MAN2A1: variants seen among roughly 807,000 people sequenced by gnomAD.
The protein encoded by MAN2A1 is alpha-mannosidase 2.
Under a neutral mutation model 142.6 loss-of-function variants are expected in MAN2A1, and 76 were observed. That is an observed-to-expected ratio of 0.53 (90% CI 0.44 to 0.65). The LOEUF (loss-of-function observed/expected upper bound fraction) is 0.65, where lower values mean the gene tolerates loss of function less well. Among genes scored for constraint, MAN2A1 ranks in the 30% least tolerant of loss-of-function variants. MAN2A1 has a pLI of 0.00. For missense variants in MAN2A1, 1,311 were observed against 1,365.1 expected (o/e 0.96, Z 0.62); for synonymous variants, 559 against 473.2 (o/e 1.18, Z -2.35).
intron 13 of MAN2A1, 129 bp downstream of exon 13, chr5:109,817,567 AC>A: frequency 1.2e-6 from 1 of 829,718 alleles, no homozygotes; most frequent in Non-Finnish European, 1.9e-6. Flanking sequence ...AGTTGTAAAT[AC>A]CAGAGAGTTT....
intron 4 of MAN2A1, among the ~76,000 whole-genome samples, chr5:109,739,647 G>A (rs1752209374): frequency 6.6e-6 from 1 of 152,176 alleles, no homozygotes; most frequent in Non-Finnish European, 1.5e-5. Context: ...AGCAACAGCT[G>A]TATCCACACC....
At chr5:109,775,065 G>A in intron 8 of MAN2A1, 100 bp downstream of exon 8, 1 of 734,630 alleles carries the variant, frequency 1.4e-6, no homozygotes, top group South Asian at 2.0e-5. Flanking sequence ...CTACATCACA[G>A]TGCTTCTTAG....
intron 3 of MAN2A1, among the ~76,000 whole-genome samples, chr5:109,724,387 G>A (rs769955898): frequency 3.9e-5 from 6 of 151,974 alleles, no homozygotes; most frequent in Non-Finnish European, 8.8e-5. Context: ...CAATATACCC[G>A]TGGAACAAAC....
At chr5:109,781,142 A>G (rs1218363777) in intron 8 of MAN2A1, among the ~76,000 whole-genome samples, 1 of 152,152 alleles carries the variant, frequency 6.6e-6, no homozygotes, top group Non-Finnish European at 1.5e-5. Context: ...ACTGATTTGT[A>G]GATCTAAATA....
chr5:109,740,948 A>T (rs189942601), intron 4 of MAN2A1, among the ~76,000 whole-genome samples: 236 of 152,204 alleles, frequency 1.6e-3, no homozygotes, highest in Non-Finnish European at 1.7e-3. Context: ...GTTGAACCAT[A>T]TAAAATTGCC....
chr5:109,857,045 G>A (rs1275370276), intron 20 of MAN2A1, among the ~76,000 whole-genome samples: 2 of 152,104 alleles, frequency 1.3e-5, no homozygotes, highest in African/African-American at 2.4e-5. Context: ...GTGTAGAGAG[G>A]GCCTCACAGA....
intron 16 of MAN2A1, among the ~76,000 whole-genome samples, chr5:109,839,875 G>A (rs957125162): frequency 1.4e-4 from 21 of 151,286 alleles, no homozygotes; most frequent in Non-Finnish European, 2.7e-4. Flanking sequence ...TTTTATTTTA[G>A]AATTTCCATT....
rs554387278 is a variant in MAN2A1, at chr5:109,734,382, C to A, written c.707+4869C>A. On this transcript the variant is annotated intron_variant, in intron 4 of 21. Coordinates refer to ENST00000261483, the MANE Select transcript of MAN2A1 (RefSeq NM_002372.4). ...TGTCTCTATCTCCTTCAGTTCTGCT[C>A]TGATGTTAGTTATTTCTTGCCTTCT... Among the ~76,000 whole-genome samples the A allele has an allele frequency of 9.4e-5, 14 of 149,428 alleles. No individual in the cohort carries two copies. The East Asian group carries it at 2.7e-3, about 29-fold the overall frequency.
At chr5:109,752,795 A>T (rs1231757967) in intron 4 of MAN2A1, among the ~76,000 whole-genome samples, 1 of 152,186 alleles carries the variant, frequency 6.6e-6, no homozygotes, top group Non-Finnish European at 1.5e-5. Context: ...TTTAACCTTT[A>T]AGTACAGATA....
intron 8 of MAN2A1, among the ~76,000 whole-genome samples, chr5:109,780,277 T>C (rs2112664771): frequency 6.6e-6 from 1 of 152,198 alleles, no homozygotes; most frequent in East Asian, 1.9e-4. Context: ...GCCAGGATGG[T>C]CTCCATCTCC....
chr5:109,802,795 G>T (rs983503624), intron 12 of MAN2A1, among the ~76,000 whole-genome samples: 1 of 151,674 alleles, frequency 6.6e-6, no homozygotes, highest in African/African-American at 2.4e-5. Context: ...ACTGAGTGTT[G>T]TAGCTTCCTA....
chr5:109,842,369 A>G lies in MAN2A1; in HGVS notation c.2608A>G (p.Ile870Val). The change falls in exon 17 of 22, where the codon ATC (isoleucine) becomes GTC (valine). Residue 870 changes from isoleucine (I) to valine (V), a missense_variant. Around this residue, in one of 3 missense-constraint regions of MAN2A1, gnomAD observed 890 missense variants for 920.5 expected, o/e 0.97. Coordinates refer to ENST00000261483, the MANE Select transcript of MAN2A1 (RefSeq NM_002372.4). Reference sequence around the variant, plus strand: ...TGTGGAAGTTTCCAATATTGTGGACATCCGAAAAGTATATAACCGTGAGAT... The same window carrying G: ...TGTGGAAGTTTCCAATATTGTGGACGTCCGAAAAGTATATAACCGTGAGAT... The part of the protein sequence containing the change: ...QSVEVSNIVD[I>V]RKVYNREIAM... The G allele has an allele frequency of 1.3e-6, 2 of 1,592,610 alleles. No homozygotes were observed. Among genetic ancestry groups the G allele is most frequent in the Non-Finnish European group, 8.6e-7 (1 of 1,164,230 alleles).
chr5:109,842,328 G>T lies in MAN2A1; in HGVS notation c.2567G>T (p.Gly856Val). The T allele has an allele frequency of 6.5e-7, 1 of 1,528,332 alleles. No homozygotes were observed. Among genetic ancestry groups the T allele is most frequent in the South Asian group, 1.2e-5 (1 of 81,338 alleles). The allele number at this position is 1,528,332 out of a possible 1,614,324, so 94.7% of individuals were successfully genotyped here. The change falls in exon 17 of 22, where the codon GGA (glycine) becomes GTA (valine). Residue 856 changes from glycine (G) to valine (V), a missense_variant and splice_region_variant. Gly to Val is a moderately radical substitution (Grantham distance 109, BLOSUM62 -3). Transcript: ENST00000261483. ...THRVRLYHIQ[G>V]IEGQSVEVSN... ...TCCATATATATTTTTTTAAATTTAG[G>T]AATAGAAGGACAGTCTGTGGAAGTT...
intron 5 of MAN2A1, among the ~76,000 whole-genome samples, chr5:109,765,715 T>G (rs1397750681): frequency 1.3e-5 from 2 of 151,916 alleles, no homozygotes; most frequent in Non-Finnish European, 2.9e-5. Context: ...TATTTTCTGT[T>G]TATTTATTTA....
chr5:109,715,916 G>C (rs992907938), intron 2 of MAN2A1, among the ~76,000 whole-genome samples: 1 of 151,798 alleles, frequency 6.6e-6, no homozygotes, highest in Non-Finnish European at 1.5e-5. Context: ...TATTTGTCAG[G>C]GTAGTTTTGT....
intron 10 of MAN2A1, 63 bp from the exon 11 acceptor site, chr5:109,788,871 C>A: frequency 2.6e-6 from 2 of 767,528 alleles, no homozygotes; most frequent in Non-Finnish European, 2.3e-6. Context: ...AGTAATGAAA[C>A]TGAAAATATT....
chr5:109,819,825 G>A lies in MAN2A1; in HGVS notation c.2266G>A (p.Glu756Lys). The change falls in exon 14 of 22, where the codon GAA (glutamate) becomes AAA (lysine). Residue 756 changes from glutamate to lysine, a missense_variant. Transcript: ENST00000261483. ...CATAAAGAATATGATAAATACTGAA[G>A]AAGGTATAACACTAGAGAACTCCTT... Reference protein sequence around the residue: ...FTIKNMINTEEGITLENSFVL... With the variant: ...FTIKNMINTEKGITLENSFVL... 6.2e-7 allele frequency: 1 copy of A among 1,611,696 alleles called. No individual in the cohort carries two copies. The highest frequency in any genetic ancestry group is 8.5e-7 in the Non-Finnish European group (1 of 1,178,624).
chr5:109,789,532 A>T lies in MAN2A1; in HGVS notation c.1943+5A>T. On this transcript the variant is annotated splice_donor_5th_base_variant and intron_variant, in intron 12 of 21. Transcript: ENST00000261483. ...AAGGCTGAGTGCGGAGCCAAGGTAAATTCATAATTTCTTACAAATGTTTAC... is the reference window on the plus strand; with the variant it reads ...AAGGCTGAGTGCGGAGCCAAGGTAATTTCATAATTTCTTACAAATGTTTAC... 6.4e-7 allele frequency: 1 copy of T among 1,552,084 alleles called. No homozygotes were observed. The highest frequency in any genetic ancestry group is 8.7e-7 in the Non-Finnish European group (1 of 1,145,924).
chr5:109,842,410 T>C lies in MAN2A1; in HGVS notation c.2649T>C (p.Ser883=), dbSNP rs201449190. 11 of 1,588,036 alleles carry C rather than the reference T, an allele frequency of 6.9e-6. No homozygotes were observed. The highest frequency in any genetic ancestry group is 9.5e-6 in the Non-Finnish European group (11 of 1,158,330). The change falls in exon 17 of 22, where the codon TCT becomes TCC. Residue 883 remains serine (S), a synonymous_variant. Coordinates refer to ENST00000261483, the MANE Select transcript of MAN2A1 (RefSeq NM_002372.4). ...ACCGTGAGATTGCAATGAAAATTTC[T>C]TCTGATATAAAAAGCCAAAATAGAT... ...VYNREIAMKI[S]SDIKSQNRFY... is the part of the protein sequence containing the mutation.
Sources: gnomAD v4.1 joint callset for allele counts (sites outside exome capture counted in the v4.1 genomes callset) on GRCh38, gnomAD v4.1.1 for gene constraint, gnomAD v4.1.1 regional missense constraint, MANE v1.5 for transcripts, NCBI Gene and HGNC (gene_info 2026-07-23, HGNC 2026-07-21) for gene names.